The following DHRS4L2 variants were observed in gnomAD, a reference collection of about 807,000 sequenced individuals.
DHRS4L2 encodes dehydrogenase/reductase SDR family member 4-like 2.
In DHRS4L2, 22 loss-of-function variants were observed where a neutral mutation model predicts 23.9. The ratio of observed to expected loss-of-function variants is 0.92; its 90% CI spans 0.66 to 1.31. DHRS4L2 has a LOEUF of 1.31. Ranked by LOEUF, DHRS4L2 falls within the 40% of genes most tolerant of loss-of-function variation. DHRS4L2 has a pLI of 0.00. For synonymous variants in DHRS4L2, 141 were observed against 123.7 expected (o/e 1.14, Z -0.93); for missense variants, 385 against 303.3 (o/e 1.27, Z -2.00).
upstream of DHRS4L2, chr14:23,988,913 G>A (rs901671890): frequency 5.0e-6 from 8 of 1,608,498 alleles, no homozygotes; most frequent in South Asian, 1.1e-5. Context: ...CACCTCCGCT[G>A]GAAGGAGTGG....
At chr14:23,976,007 G>T (rs2033957014) in intron 1 of DHRS4L2, among the ~76,000 whole-genome samples, 1 of 151,288 alleles carries the variant, frequency 6.6e-6, no homozygotes, top group Non-Finnish European at 1.5e-5. Flanking sequence ...AAAAACCCTA[G>T]AAGAAAACCT....
At chr14:23,981,506 GCCCCTCCACA>G (rs2138516914) in intron 1 of DHRS4L2, among the ~76,000 whole-genome samples, 1 of 151,674 alleles carries the variant, frequency 6.6e-6, no homozygotes, top group Admixed American at 6.6e-5. Flanking sequence ...AAGGGGGCCA[GCCCCTCCACA>G]CCTGTGGGTA....
upstream of DHRS4L2, chr14:23,988,779 C>T (rs1337983295): frequency 6.2e-5 from 87 of 1,402,728 alleles, no homozygotes; most frequent in Non-Finnish European, 6.8e-5. Flanking sequence ...GGCTGCGGGG[C>T]GGGGCGACTG....
chr14:23,972,458 G>C (rs1207407424), intron 1 of DHRS4L2, among the ~76,000 whole-genome samples: 3 of 152,122 alleles, frequency 2.0e-5, no homozygotes, highest in Non-Finnish European at 4.4e-5. Context: ...GAGTGTTACA[G>C]CTCATAAAGG....
chr14:23,990,232 T>C lies in DHRS4L2; in HGVS notation c.179T>C (p.Val60Ala), dbSNP rs529238562. ...RRLAQDRAHV[V>A]VSSRKQQNVD... is the part of the protein sequence containing the mutation. Reference sequence around the variant, plus strand: ...TTGGCCCAGGACAGGGCCCACGTGGTCGTCAGCAGCCGGAAGCAGCAGAAT... The same window carrying C: ...TTGGCCCAGGACAGGGCCCACGTGGCCGTCAGCAGCCGGAAGCAGCAGAAT... The change falls in exon 2 of 8, where the codon GTC (valine) becomes GCC (alanine). Residue 60 changes from valine (V) to alanine (A), a missense_variant. Transcript: ENST00000335125. 5.6e-4 allele frequency: 905 copies of C among 1,612,504 alleles called. 18 individuals carry two copies. Among genetic ancestry groups the C allele is most frequent in the Middle Eastern group, 8.3e-4 (5 of 6,056 alleles).
intron 2 of DHRS4L2, among the ~76,000 whole-genome samples, chr14:23,990,608 T>G (rs1271838351): frequency 6.6e-6 from 1 of 151,504 alleles, no homozygotes; most frequent in African/African-American, 2.4e-5. Context: ...ATTTTCAATC[T>G]AATTGAACAG....
In DHRS4L2 at chr14:24,001,460, G is replaced by A. The variant is rs772343228; in HGVS notation, c.608G>A (p.Arg203Lys). The stretch of plus-strand genomic sequence containing the variant: ...ACCCTGGCCATAGAGCTGGCCCCAA[G>A]GAACATTAGGGTGAACTGCCTGCAC... The part of the protein sequence containing the change: ...NNTLAIELAP[R>K]NIRVNCLHLD... The change falls in exon 6 of 8, where the codon AGG (arginine) becomes AAG (lysine). Residue 203 changes from arginine to lysine, a missense_variant. Coordinates refer to ENST00000335125, the MANE Select transcript of DHRS4L2 (RefSeq NM_198083.4). 29 of 1,605,746 alleles carry A rather than the reference G, an allele frequency of 1.8e-5. 1 individual carries two copies. Among genetic ancestry groups the A allele is most frequent in the African/African-American group, 2.9e-5 (2 of 70,158 alleles).
chr14:23,973,451 G>A (rs1194290585), intron 1 of DHRS4L2, among the ~76,000 whole-genome samples: 1 of 151,986 alleles, frequency 6.6e-6, no homozygotes, highest in Non-Finnish European at 1.5e-5. Context: ...GCGGCGGGCT[G>A]AAGGGCTCCT....
chr14:24,001,294 T>A (rs2034483381), intron 5 of DHRS4L2, 90 bp from the exon 6 acceptor site: 1 of 1,570,696 alleles, frequency 6.4e-7, no homozygotes, highest in Admixed American at 1.8e-5. Context: ...TTACAGGAGA[T>A]CCCTACTGAG....
chr14:23,990,394 G>T (rs371577743), intron 2 of DHRS4L2, 35 bp downstream of exon 2: 2 of 1,586,096 alleles, frequency 1.3e-6, no homozygotes, highest in Non-Finnish European at 1.7e-6. Context: ...GAGCCAGGAG[G>T]TGGAAAAGGA....
chr14:23,974,606 G>A (rs1005085979), intron 1 of DHRS4L2, among the ~76,000 whole-genome samples: 1 of 151,772 alleles, frequency 6.6e-6, no homozygotes, highest in African/African-American at 2.4e-5. Context: ...TACCATCAGA[G>A]AATACTATAA....
intron 2 of DHRS4L2, 27 bp downstream of exon 2, chr14:23,990,386 G>A: frequency 6.3e-7 from 1 of 1,592,926 alleles, no homozygotes; most frequent in Non-Finnish European, 8.6e-7. Context: ...TGGGCACAGA[G>A]CCAGGAGGTG....
At chr14:23,999,344 TAAAAAAAAAAAAAAAAAA>T (rs71426825) in intron 3 of DHRS4L2, among the ~76,000 whole-genome samples, 2 of 53,672 alleles carry the variant, frequency 3.7e-5, no homozygotes, top group Non-Finnish European at 9.5e-5. Flanking sequence ...CTCCAATTTG[TAAAAAAAAAAAAAAAAAA>T]AAAAAAAAAA....
At chr14:23,970,384 C>T (rs533556793) in intron 1 of DHRS4L2, 99 of 387,584 alleles carry the variant, frequency 2.6e-4, no homozygotes, top group African/African-American at 2.1e-4. Flanking sequence ...CATCAGTTAA[C>T]GGGGCCGTGG....
chr14:23,987,170 G>A (rs766579276), upstream of DHRS4L2: 10 of 316,922 alleles, frequency 3.2e-5, no homozygotes, highest in Admixed American at 8.4e-5. Context: ...TCCATCTGTC[G>A]CTCAGGTTGG....
chr14:23,983,790 C>G (rs1594458043), intron 1 of DHRS4L2, among the ~76,000 whole-genome samples: 1 of 151,564 alleles, frequency 6.6e-6, no homozygotes, highest in Admixed American at 6.6e-5. Flanking sequence ...AACAGAAAAC[C>G]AAACACCACA....
chr14:23,991,312 A>G (rs1594466672), intron 2 of DHRS4L2, among the ~76,000 whole-genome samples: 1 of 151,766 alleles, frequency 6.6e-6, no homozygotes, highest in African/African-American at 2.4e-5. Flanking sequence ...GAAAGTCACA[A>G]ATGTGAGTCC....
rs560033187 is a variant in DHRS4L2 at position 24,005,867 on chromosome 14, T to C, written c.*23-19T>C. On this transcript the variant is annotated intron_variant, in intron 7 of 7. Coordinates refer to ENST00000335125, the MANE Select transcript of DHRS4L2 (RefSeq NM_198083.4). ...CCCGTTTGATTTTTACCTCCTTCCT[T>C]GCTTCCCTTATTCCCCAGGTTAGGC... 1.4e-5 allele frequency: 23 copies of C among 1,609,984 alleles called. No homozygotes were observed. The highest frequency in any genetic ancestry group is 1.4e-5 in the Non-Finnish European group (17 of 1,178,264).
chr14:23,986,489 C>T (rs180804463), upstream of DHRS4L2, among the ~76,000 whole-genome samples: 93 of 146,418 alleles, frequency 6.4e-4, 1 homozygote, highest in East Asian at 0.015. Flanking sequence ...CACGTGCACC[C>T]TAGAACTTAA....
Sources: allele counts gnomAD v4.1 joint callset (sites outside exome capture counted in the v4.1 genomes callset), GRCh38; gene constraint gnomAD v4.1.1; transcripts MANE v1.5; gene names NCBI Gene and HGNC (gene_info 2026-07-23, HGNC 2026-07-21).